Variants in DENND4C observed in about 807,000 individuals in gnomAD.
The protein encoded by DENND4C is DENN domain-containing protein 4C.
A neutral mutation model predicts 203.0 loss-of-function variants in DENND4C; 108 were observed. That is an observed-to-expected ratio of 0.53 (90% CI 0.46 to 0.62). The LOEUF is 0.62. Ranked by LOEUF, DENND4C falls within the 20% of genes least tolerant of loss-of-function variation. The probability of loss-of-function intolerance (pLI) is 0.00; values close to 1 mark genes in which losing one functional copy is unlikely to be tolerated. For missense variants in DENND4C, 2,481 were observed against 2,301.2 expected, an observed-to-expected ratio of 1.08 and a Z score of -1.60; for synonymous variants, 871 against 792.4, an observed-to-expected ratio of 1.10 and a Z score of -1.67.
At chr9:19,341,427 C>A (rs1268434705) in intron 21 of DENND4C, among the ~76,000 whole-genome samples, 1 of 151,342 alleles carries the variant, frequency 6.6e-6, no homozygotes, top group African/African-American at 2.4e-5. Context: ...CCTCCTGCCT[C>A]AGTCCCCTGT....
chr9:19,292,000 CAAAT>C (rs1415148876), intron 5 of DENND4C, among the ~76,000 whole-genome samples: 2 of 151,880 alleles, frequency 1.3e-5, no homozygotes, highest in South Asian at 2.1e-4. Flanking sequence ...GAAAAATAAA[CAAAT>C]AAGTAAATAA....
rs566703509 is a variant in DENND4C at position 19,374,123 on chromosome 9, ATTG to A, written c.*1956_*1958del. Among the ~76,000 whole-genome samples the A allele has an allele frequency of 5.6e-4, 85 of 152,316 alleles. No homozygotes were observed. Among genetic ancestry groups the A allele is most frequent in the Middle Eastern group, 3.4e-3 (1 of 294 alleles). On this transcript the variant is annotated 3_prime_UTR_variant, in exon 33 of 33. Transcript: ENST00000434457. ...AAATTGAGGTTGAATAAAATGAAAAATTGTTGTTTTCTGTTACATTAAGCCTCT... is the reference window on the plus strand; with the variant it reads ...AAATTGAGGTTGAATAAAATGAAAAATTGTTTTCTGTTACATTAAGCCTCT...
At chr9:19,299,429 C>A in intron 8 of DENND4C, 142 bp downstream of exon 8, 3 of 548,068 alleles carry the variant, frequency 5.5e-6, no homozygotes, top group Non-Finnish European at 8.7e-6. Context: ...GCAAAAATAG[C>A]CTTAATGTTT....
intron 2 of DENND4C, among the ~76,000 whole-genome samples, chr9:19,279,433 G>C (rs1192208543): frequency 1.3e-5 from 2 of 152,076 alleles, no homozygotes; most frequent in South Asian, 2.1e-4. Flanking sequence ...CCAGCACTTT[G>C]GGAGGCGGAG....
Position 19,368,781 on chromosome 9 carries a change from C to T in DENND4C, c.5525-1056C>T, listed in dbSNP as rs536725733. On this transcript the variant is annotated intron_variant, in intron 30 of 32. Coordinates refer to ENST00000434457, the MANE Select transcript of DENND4C (RefSeq NM_001330640.2). ...CACGACTTCACTCCAGCCTGGGTGA[C>T]GGAGTGAAAAACTGTCTAAAAAGTT... 6.0e-4 allele frequency among the ~76,000 whole-genome samples: 91 copies of T among 150,772 alleles called. 1 individual carries two copies. The highest frequency in any genetic ancestry group is 9.5e-4 in the Non-Finnish European group (64 of 67,706).
At chr9:19,297,517 T>C (rs530602261) in intron 6 of DENND4C, among the ~76,000 whole-genome samples, 4 of 152,312 alleles carry the variant, frequency 2.6e-5, no homozygotes, top group African/African-American at 9.6e-5. Flanking sequence ...ATTCTATGAA[T>C]AGCTTGTGAT....
intron 1 of DENND4C, among the ~76,000 whole-genome samples, chr9:19,262,076 C>G (rs1439674907): frequency 3.6e-5 from 2 of 55,446 alleles, no homozygotes; most frequent in Admixed American, 3.0e-4. Context: ...TTTATTAGTT[C>G]TTTTTTTTTT....
rs577037270 is a variant in DENND4C at position 19,324,805 on chromosome 9, G to A, written c.1953+298G>A. ...CATGATCATAGCTCATTGCAACTTT[G>A]AACTTCTTGCCTGAAGTGATTTTAC... On this transcript the variant is annotated intron_variant, in intron 13 of 32. Transcript: ENST00000434457. Among the ~76,000 whole-genome samples, 5 of 152,258 alleles carry A rather than the reference G, an allele frequency of 3.3e-5. No individual in the cohort carries two copies. The East Asian group carries it at 7.7e-4, about 24-fold the overall frequency.
chr9:19,234,946 C>G (rs1821540448), intron 1 of DENND4C, among the ~76,000 whole-genome samples: 1 of 149,632 alleles, frequency 6.7e-6, no homozygotes, highest in African/African-American at 2.4e-5. Context: ...GGAAAGTCAA[C>G]TTTCTTTTTT....
intron 1 of DENND4C, among the ~76,000 whole-genome samples, chr9:19,235,696 C>T (rs1372690958): frequency 2.0e-5 from 3 of 150,180 alleles, no homozygotes; most frequent in African/African-American, 7.3e-5. Context: ...CTGCAAGCTC[C>T]TCCTCCCGGG....
chr9:19,352,357 G>C, intron 25 of DENND4C, 133 bp from the exon 26 acceptor site: 2 of 1,060,288 alleles, frequency 1.9e-6, no homozygotes, highest in African/African-American at 3.2e-5. Context: ...GTTTACCTGT[G>C]AAATAAAAGA....
chr9:19,308,386 A>G (rs1280633135), intron 10 of DENND4C, among the ~76,000 whole-genome samples: 1 of 152,230 alleles, frequency 6.6e-6, no homozygotes, highest in Admixed American at 6.5e-5. Flanking sequence ...ATGGTATTTC[A>G]CTGTGGCTTT....
In DENND4C at chr9:19,352,565, A is replaced by T. The variant is rs151075998; in HGVS notation, c.4681A>T (p.Thr1561Ser). 1.9e-5 allele frequency: 30 copies of T among 1,613,762 alleles called. No individual in the cohort carries two copies. The highest frequency in any genetic ancestry group is 2.5e-5 in the Non-Finnish European group (29 of 1,179,862). ...VYDEEIMAGWTADDSNLNTAC... is the reference protein window; with the variant it reads ...VYDEEIMAGWSADDSNLNTAC... Reference sequence around the variant, plus strand: ...TGATGAAGAAATTATGGCTGGATGGACAGCAGATGACTCAAATTTGAATAC... The same window carrying T: ...TGATGAAGAAATTATGGCTGGATGGTCAGCAGATGACTCAAATTTGAATAC... The change falls in exon 26 of 33, where the codon ACA becomes TCA. Residue 1561 changes from threonine (T) to serine (S), a missense_variant. Thr to Ser is a moderately conservative substitution (Grantham distance 58). Around this residue, in one of 3 missense-constraint regions of DENND4C, gnomAD observed 2,289 missense variants for 2,113.3 expected, o/e 1.08. Coordinates refer to ENST00000434457, the MANE Select transcript of DENND4C (RefSeq NM_001330640.2).
chr9:19,298,875 T>G (rs1232745888), intron 7 of DENND4C, among the ~76,000 whole-genome samples: 1 of 152,176 alleles, frequency 6.6e-6, no homozygotes, highest in African/African-American at 2.4e-5. Flanking sequence ...CACAAGTATT[T>G]ACGTGCCAAG....
Position 19,352,676 on chromosome 9 carries a change from TA to T in DENND4C, c.4781+15del. 1 of 1,559,476 alleles carries T rather than the reference TA, an allele frequency of 6.4e-7. No individual in the cohort carries two copies. On this transcript the variant is annotated intron_variant, in intron 26 of 32. Coordinates refer to ENST00000434457, the MANE Select transcript of DENND4C (RefSeq NM_001330640.2). ...GAGAGGTTCTGCAAGGTTAGTCTTA[TA>T]AAAGCTCTCTCAAGAAGTAAGTACC... is the stretch of plus-strand genomic sequence containing the variant.
chr9:19,364,208 A>C (rs535434815), intron 30 of DENND4C, among the ~76,000 whole-genome samples: 1 of 152,274 alleles, frequency 6.6e-6, no homozygotes, highest in East Asian at 1.9e-4. Context: ...GAAAAAAAAA[A>C]AGGAAAACAT....
intron 16 of DENND4C, among the ~76,000 whole-genome samples, chr9:19,328,485 C>T (rs1200564353): frequency 1.3e-5 from 2 of 151,822 alleles, no homozygotes; most frequent in African/African-American, 2.4e-5. Flanking sequence ...TGGTGTCAGG[C>T]GCCTGTGATC....
In DENND4C at chr9:19,331,429, C is replaced by G. The variant is rs560138777; in HGVS notation, c.2254-549C>G. On this transcript the variant is annotated intron_variant, in intron 16 of 32. Coordinates refer to ENST00000434457, the MANE Select transcript of DENND4C (RefSeq NM_001330640.2). ...TGTTGGCCAGGCTGGTCTTGATCTCCTGACCTCGTGATCCATCTGCCTTGG... is the reference window on the plus strand; with the variant it reads ...TGTTGGCCAGGCTGGTCTTGATCTCGTGACCTCGTGATCCATCTGCCTTGG... Among the ~76,000 whole-genome samples, 3 of 152,176 alleles carry G rather than the reference C, an allele frequency of 2.0e-5. No homozygotes were observed. In the South Asian group the frequency reaches 6.2e-4, roughly 32 times the overall value.
chr9:19,271,522 C>T (rs1831664797), intron 1 of DENND4C, among the ~76,000 whole-genome samples: 1 of 152,002 alleles, frequency 6.6e-6, no homozygotes, highest in Non-Finnish European at 1.5e-5. Flanking sequence ...TTCTAAATTG[C>T]TTATTGAAAT....
Sources: allele counts gnomAD v4.1 joint callset (sites outside exome capture counted in the v4.1 genomes callset), GRCh38; gene constraint gnomAD v4.1.1; regional missense constraint gnomAD v4.1.1; transcripts MANE v1.5; gene names NCBI Gene and HGNC (gene_info 2026-07-23, HGNC 2026-07-21).